XRCC4: variants seen among roughly 807,000 people sequenced by gnomAD.
XRCC4 encodes X-ray repair cross complementing 4.
Under a neutral mutation model 39.1 loss-of-function variants are expected in XRCC4, and 28 were observed. The observed-to-expected ratio is 0.72, with a 90% CI of 0.53 to 0.98. XRCC4 has a LOEUF of 0.98. Ranked by LOEUF, XRCC4 falls within the 50% of genes least tolerant of loss-of-function variation. XRCC4 has a pLI of 0.00. For missense variants in XRCC4, 350 were observed against 376.4 expected, an observed-to-expected ratio of 0.93 and a Z score of 0.58; for synonymous variants, 123 against 126.4, an observed-to-expected ratio of 0.97 and a Z score of 0.18.
At chr5:83,124,033 T>A (rs1163903268) in intron 3 of XRCC4, among the ~76,000 whole-genome samples, 1 of 152,184 alleles carries the variant, frequency 6.6e-6, no homozygotes, top group Non-Finnish European at 1.5e-5. Context: ...ATAACTGTAG[T>A]ACATTATTGA....
intron 1 of XRCC4, among the ~76,000 whole-genome samples, chr5:83,091,356 C>T (rs1016676132): frequency 6.6e-6 from 1 of 152,144 alleles, no homozygotes; most frequent in African/African-American, 2.4e-5. Flanking sequence ...CTATTAAAAC[C>T]ATCAGCTCTT....
intron 7 of XRCC4, among the ~76,000 whole-genome samples, chr5:83,324,708 C>T (rs538388026): frequency 5.2e-4 from 79 of 152,118 alleles, no homozygotes; most frequent in African/African-American, 1.5e-3. Flanking sequence ...CCTATGGCAG[C>T]CTTTGTTTCC....
chr5:83,232,943 A>G (rs1752551556), intron 6 of XRCC4, among the ~76,000 whole-genome samples: 1 of 152,198 alleles, frequency 6.6e-6, no homozygotes, highest in South Asian at 2.1e-4. Context: ...AGGAACAGCC[A>G]TACTTCGAAC....
intron 7 of XRCC4, among the ~76,000 whole-genome samples, chr5:83,327,021 G>A (rs1756285080): frequency 6.6e-6 from 1 of 152,018 alleles, no homozygotes; most frequent in African/African-American, 2.4e-5. Flanking sequence ...ATGCTCTTCA[G>A]GGGAAATATT....
Position 83,218,062 on chromosome 5 carries a change from T to TATATATATATATATATATA in XRCC4, c.745+13141_745+13142insATATATATATATATATATA, listed in dbSNP as rs1554065873. ...TTGAACTTCTCAGTCTTTACCTTTT[T>TATATATATATATATATATA]TATATATATATATATATTTATTAGA... On this transcript the variant is annotated intron_variant, in intron 6 of 7. Coordinates refer to ENST00000396027, the MANE Select transcript of XRCC4 (RefSeq NM_003401.5). Among the ~76,000 whole-genome samples the TATATATATATATATATATA allele has an allele frequency of 1.0e-3, 150 of 147,582 alleles. 1 individual carries two copies. Among genetic ancestry groups the TATATATATATATATATATA allele is most frequent in the African/African-American group, 3.5e-3 (141 of 39,848 alleles).
chr5:83,093,223 G>A (rs1745512755), intron 1 of XRCC4, among the ~76,000 whole-genome samples: 1 of 151,798 alleles, frequency 6.6e-6, no homozygotes, highest in Admixed American at 6.6e-5. Flanking sequence ...GAAAATGAAG[G>A]CATTATATAA....
intron 2 of XRCC4, among the ~76,000 whole-genome samples, chr5:83,106,170 T>C (rs991568615): frequency 7.9e-5 from 12 of 152,076 alleles, no homozygotes; most frequent in Admixed American, 3.3e-4. Context: ...AGTTCAAGAG[T>C]AGAAGATTTG....
rs373121366 is a variant in XRCC4, at chr5:83,229,693, C to T, written c.745+24772C>T. On this transcript the variant is annotated intron_variant, in intron 6 of 7. Transcript: ENST00000396027. ...TTTTTTTTTTTTTTGCTAAAGATGA[C>T]TTTTATGACCAAATACATTTGGAAA... 6.6e-3 allele frequency among the ~76,000 whole-genome samples: 653 copies of T among 98,744 alleles called. 3 individuals are homozygous for T. The highest frequency in any genetic ancestry group is 0.024 in the African/African-American group (570 of 23,588). 64.8% of individuals were successfully genotyped at this position (98,744 alleles called of 152,430 possible). A position where few individuals can be genotyped will look rare whatever the true frequency, so the allele number is the denominator to read the frequency against.
chr5:83,206,627 G>A (rs572733755), intron 6 of XRCC4, among the ~76,000 whole-genome samples: 2 of 152,142 alleles, frequency 1.3e-5, no homozygotes, highest in South Asian at 4.2e-4. Context: ...GACATGGGGC[G>A]GCAGCTGGAG....
At chr5:83,272,451 G>C (rs1039872005) in intron 7 of XRCC4, among the ~76,000 whole-genome samples, 2 of 152,032 alleles carry the variant, frequency 1.3e-5, no homozygotes, top group African/African-American at 4.8e-5. Context: ...TACATGTGCG[G>C]AACATGCAGG....
intron 6 of XRCC4, among the ~76,000 whole-genome samples, chr5:83,227,416 A>G (rs1260082251): frequency 1.3e-5 from 2 of 152,134 alleles, no homozygotes; most frequent in African/African-American, 2.4e-5. Context: ...ACATTTTGAC[A>G]TATACAAAAA....
intron 4 of XRCC4, among the ~76,000 whole-genome samples, chr5:83,198,734 G>A (rs1466809255): frequency 1.3e-5 from 2 of 152,090 alleles, no homozygotes; most frequent in Admixed American, 1.3e-4. Flanking sequence ...TAAGTAAAAA[G>A]TGTGAGCTTT....
At chr5:83,131,633 T>C (rs1227893591) in intron 3 of XRCC4, among the ~76,000 whole-genome samples, 2 of 152,198 alleles carry the variant, frequency 1.3e-5, no homozygotes, top group Non-Finnish European at 2.9e-5. Context: ...CATTATGTAA[T>C]GGCCTTCTTT....
At chr5:83,164,952 A>G (rs898349658) in intron 3 of XRCC4, among the ~76,000 whole-genome samples, 5 of 151,926 alleles carry the variant, frequency 3.3e-5, no homozygotes, top group African/African-American at 1.2e-4. Context: ...ATTGTGTTGC[A>G]TTAAACATGT....
In XRCC4 at chr5:83,353,142, C is replaced by T. The variant is rs759055231; in HGVS notation, c.905C>T (p.Ser302Leu). Residue 302 changes from serine to leucine, a missense_variant, in exon 8 of 8, where the codon TCA (serine) becomes TTA (leucine). Coordinates refer to ENST00000396027, the MANE Select transcript of XRCC4 (RefSeq NM_003401.5). ...QLQEKEKPDS[S>L]LPETSKKEHI... ...CTTTTCAGTTCTAGGCCTGATTCTT[C>T]ACTACCTGAGACGTCTAAAAAGGAG... 1 of 1,602,870 alleles carries T rather than the reference C, an allele frequency of 6.2e-7. No individual in the cohort carries two copies. The highest frequency in any genetic ancestry group is 1.1e-5 in the South Asian group (1 of 88,556).
intron 7 of XRCC4, among the ~76,000 whole-genome samples, chr5:83,312,121 C>T (rs1755729358): frequency 1.3e-5 from 2 of 152,122 alleles, no homozygotes; most frequent in Non-Finnish European, 2.9e-5. Flanking sequence ...ACAGAAAACC[C>T]TCTCATATTC....
rs558770882 is a variant in XRCC4, at chr5:83,193,965, G to A, written c.316-1805G>A. Among the ~76,000 whole-genome samples the A allele has an allele frequency of 2.8e-4, 42 of 151,698 alleles. No individual in the cohort carries two copies. In the South Asian group the frequency reaches 8.1e-3, roughly 29 times the overall value. Reference sequence around the variant, plus strand: ...GTTGTTGTTTTCGAGACTGAGTCTCGCTGTATCGCCCAGGCTGGAGTGCAG... The same window carrying A: ...GTTGTTGTTTTCGAGACTGAGTCTCACTGTATCGCCCAGGCTGGAGTGCAG... On this transcript the variant is annotated intron_variant, in intron 3 of 7. Transcript: ENST00000396027.
chr5:83,181,023 C>T (rs1040372295), intron 3 of XRCC4, among the ~76,000 whole-genome samples: 4 of 149,824 alleles, frequency 2.7e-5, no homozygotes, highest in African/African-American at 9.8e-5. Flanking sequence ...GTACCTGTCC[C>T]TCCCTGTCCC....
At chr5:83,118,787 A>G (rs917410077) in intron 3 of XRCC4, among the ~76,000 whole-genome samples, 2 of 152,206 alleles carry the variant, frequency 1.3e-5, no homozygotes, top group Non-Finnish European at 2.9e-5. Flanking sequence ...CTAGCAATCT[A>G]TGCATTTAAC....
Sources: gnomAD v4.1 joint callset for allele counts (sites outside exome capture counted in the v4.1 genomes callset) on GRCh38, gnomAD v4.1.1 for gene constraint, MANE v1.5 for transcripts, NCBI Gene and HGNC (gene_info 2026-07-23, HGNC 2026-07-21) for gene names.